Variants in DRC8 observed in about 807,000 individuals in gnomAD.
DRC8 encodes the protein dynein regulatory complex protein 8.
At chr1:245,046,480 G>T in the DRC8 span, among the ~76,000 whole-genome samples, 6 of 152,272 alleles carry the variant, frequency 3.9e-5, no homozygotes, top group South Asian at 1.2e-3. Flanking sequence ...CTGTGGCCAG[G>T]ATCCCAGCTC....
the DRC8 span, among the ~76,000 whole-genome samples, chr1:245,104,482 G>T: frequency 6.6e-5 from 10 of 150,690 alleles, no homozygotes; most frequent in African/African-American, 1.7e-4. Context: ...CCAGCCTGGG[G>T]GACAGATCGA....
chr1:245,032,997 A>T, the DRC8 span, among the ~76,000 whole-genome samples: 1 of 151,642 alleles, frequency 6.6e-6, no homozygotes, highest in Admixed American at 6.6e-5. Flanking sequence ...AAAAAAAAAC[A>T]AAAACCCAAA....
At chr1:244,970,374 G>A in the DRC8 span, 1 of 1,520,520 alleles carries the variant, frequency 6.6e-7, no homozygotes. Context: ...CACCGCGGCC[G>A]AGGTTATCGT....
At chr1:245,079,687 C>T in the DRC8 span, among the ~76,000 whole-genome samples, 1 of 152,094 alleles carries the variant, frequency 6.6e-6, no homozygotes, top group African/African-American at 2.4e-5. Flanking sequence ...GTTGAGACTG[C>T]CTGCTCTACA....
the DRC8 span, among the ~76,000 whole-genome samples, chr1:245,012,246 A>AT: frequency 6.6e-6 from 1 of 152,080 alleles, no homozygotes; most frequent in Non-Finnish European, 1.5e-5. Flanking sequence ...GAAGGATAAA[A>AT]TTATAAATTA....
chr1:245,069,419 G>C, the DRC8 span, among the ~76,000 whole-genome samples: 57 of 152,270 alleles, frequency 3.7e-4, 1 homozygote, highest in Middle Eastern at 0.017. Context: ...TGGGGAGGAC[G>C]AGGAGAGGAG....
the DRC8 span, among the ~76,000 whole-genome samples, chr1:245,103,940 G>A: frequency 6.6e-6 from 1 of 152,338 alleles, no homozygotes; most frequent in Non-Finnish European, 1.5e-5. Flanking sequence ...GTGGGCTTAG[G>A]GATAAGACAG....
chr1:245,105,553 A>T, the DRC8 span, among the ~76,000 whole-genome samples: 2 of 145,952 alleles, frequency 1.4e-5, no homozygotes, highest in South Asian at 2.2e-4. Context: ...AGCCCAGGAC[A>T]TGGCGGTTGC....
chr1:245,017,401 C>T, the DRC8 span: 2 of 1,412,364 alleles, frequency 1.4e-6, no homozygotes, highest in South Asian at 2.9e-5. Flanking sequence ...GAGCTATTTT[C>T]TCTTTTTACA....
the DRC8 span, among the ~76,000 whole-genome samples, chr1:245,088,901 A>G: frequency 5.9e-5 from 9 of 152,334 alleles, no homozygotes; most frequent in African/African-American, 2.2e-4. The surrounding 1 kb of genome is among the most constrained non-coding windows in gnomAD (Gnocchi z 4.6). Flanking sequence ...TTTGGGGGTC[A>G]TGATGAGAGG....
At chr1:245,043,102 C>G in the DRC8 span, among the ~76,000 whole-genome samples, 1 of 152,142 alleles carries the variant, frequency 6.6e-6, no homozygotes, top group Non-Finnish European at 1.5e-5. Flanking sequence ...TTAGTTTGTA[C>G]TTCTTATCAA....
At chr1:245,109,511 C>T in the DRC8 span, among the ~76,000 whole-genome samples, 2 of 152,204 alleles carry the variant, frequency 1.3e-5, no homozygotes, top group East Asian at 1.9e-4. Flanking sequence ...CATGCCGGTA[C>T]GCCTGGGTGT....
At chr1:245,072,395 C>G in the DRC8 span, among the ~76,000 whole-genome samples, 1 of 152,126 alleles carries the variant, frequency 6.6e-6, no homozygotes, top group South Asian at 2.1e-4. Context: ...ACATGCCATG[C>G]CCAGCTAATT....
chr1:245,018,611 G>A, the DRC8 span, among the ~76,000 whole-genome samples: 2 of 152,278 alleles, frequency 1.3e-5, no homozygotes, highest in South Asian at 2.1e-4. Flanking sequence ...TGAATGACAA[G>A]TGCCTTGACC....
chr1:245,089,591 G>A, the DRC8 span, among the ~76,000 whole-genome samples: 3 of 152,260 alleles, frequency 2.0e-5, no homozygotes, highest in Admixed American at 6.5e-5. This position sits in a 1 kb window ranked among gnomAD's most constrained non-coding sequence, Gnocchi z 4.8. Context: ...ACGTCCATTG[G>A]TGTTAGCAAT....
chr1:245,001,558 G>A, the DRC8 span, among the ~76,000 whole-genome samples: 1 of 152,318 alleles, frequency 6.6e-6, no homozygotes, highest in Admixed American at 6.5e-5. Context: ...TGCAGGTGGT[G>A]TCAAGAGCAA....
chr1:245,017,434 T>A, the DRC8 span: 1 of 1,117,514 alleles, frequency 8.9e-7, no homozygotes, highest in Non-Finnish European at 1.2e-6. Context: ...TTTATTATGC[T>A]CTTTTAAGTA....
the DRC8 span, among the ~76,000 whole-genome samples, chr1:244,993,250 A>G: frequency 1.3e-5 from 2 of 152,206 alleles, no homozygotes; most frequent in African/African-American, 4.8e-5. Flanking sequence ...ATCGGGAACC[A>G]TCTCAGAGGC....
At chr1:245,119,484 G>A in the DRC8 span, among the ~76,000 whole-genome samples, 6 of 151,616 alleles carry the variant, frequency 4.0e-5, no homozygotes, top group African/African-American at 7.3e-5. Flanking sequence ...GCAACAAAGC[G>A]AGGCCCTGTC....
Sources: allele counts gnomAD v4.1 joint callset (sites outside exome capture counted in the v4.1 genomes callset), GRCh38; gene constraint gnomAD v4.1.1; non-coding constraint Gnocchi (gnomAD v3.1); transcripts MANE v1.5; gene names NCBI Gene and HGNC (gene_info 2026-07-23, HGNC 2026-07-21).